TSPAN11: variants seen among roughly 807,000 people sequenced by gnomAD.
TSPAN11 encodes the protein tetraspanin-11.
In TSPAN11, 29 loss-of-function variants were observed where a neutral mutation model predicts 32.9. The ratio of observed to expected loss-of-function variants is 0.88; its 90% CI spans 0.66 to 1.20. The LOEUF (loss-of-function observed/expected upper bound fraction) is 1.20. Ranked by LOEUF, TSPAN11 falls within the 50% of genes most tolerant of loss-of-function variation. The pLI is 0.00. For missense variants in TSPAN11, 283 were observed against 329.1 expected (o/e 0.86, Z 1.08); for synonymous variants, 140 against 141.3 (o/e 0.99, Z 0.07).
At chr12:31,002,989 C>G in the TSPAN11 span, among the ~76,000 whole-genome samples, 1 of 152,320 alleles carries the variant, frequency 6.6e-6, no homozygotes, top group East Asian at 1.9e-4. This position sits in a 1 kb window ranked among gnomAD's most constrained non-coding sequence, Gnocchi z 4.8. Flanking sequence ...GTTCTCACCC[C>G]CTGCCTGCTC....
chr12:30,985,985 C>T (rs1411753873), intron 7 of TSPAN11, among the ~76,000 whole-genome samples: 1 of 152,358 alleles, frequency 6.6e-6, no homozygotes, highest in South Asian at 2.1e-4. Context: ...AGCCCAGGAG[C>T]GGCCAAGCCT....
chr12:30,970,716 T>A (rs1248487279), intron 3 of TSPAN11, among the ~76,000 whole-genome samples: 2 of 152,122 alleles, frequency 1.3e-5, no homozygotes, highest in Non-Finnish European at 2.9e-5. Flanking sequence ...TTGGCGTGGT[T>A]GCAGCTGGAC....
At chr12:31,005,641 G>A in the TSPAN11 span, 1 of 152,610 alleles carries the variant, frequency 6.6e-6, no homozygotes, top group Non-Finnish European at 1.5e-5. Flanking sequence ...GCTGAGGCAG[G>A]GGTGGGTGGG....
In TSPAN11 at chr12:30,984,873, C is replaced by T. The variant is rs139597343; in HGVS notation, c.702+1723C>T. ...GCACCCAGCTGTTCTCCACATTTTA[C>T]AGATCAGAAAGTTGAGACCCAGAGA... On this transcript the variant is annotated intron_variant, in intron 7 of 7. Coordinates refer to ENST00000546076, the MANE Select transcript of TSPAN11 (RefSeq NM_001370302.1). 2.7e-3 allele frequency among the ~76,000 whole-genome samples: 409 copies of T among 152,280 alleles called. 1 individual carries two copies. Among genetic ancestry groups the T allele is most frequent in the African/African-American group, 9.5e-3 (396 of 41,560 alleles).
chr12:30,942,356 TCA>T (rs1250512094), intron 1 of TSPAN11, among the ~76,000 whole-genome samples: 1 of 152,072 alleles, frequency 6.6e-6, no homozygotes, highest in Non-Finnish European at 1.5e-5. Flanking sequence ...GCTCTGGAGG[TCA>T]CAGGATTTGT....
intron 7 of TSPAN11, 48 bp downstream of exon 7, chr12:30,983,198 C>T: frequency 6.4e-7 from 1 of 1,554,328 alleles, no homozygotes; most frequent in East Asian, 2.3e-5. Context: ...CTCTGAACCC[C>T]TCTCCCATTG....
intron 5 of TSPAN11, among the ~76,000 whole-genome samples, chr12:30,982,043 A>G (rs944848852): frequency 3.3e-5 from 5 of 152,178 alleles, no homozygotes; most frequent in Admixed American, 6.5e-5. Flanking sequence ...CTGGTCTCCC[A>G]GTGCCATGGG....
At chr12:30,957,286 G>T (rs1938502561) in intron 2 of TSPAN11, among the ~76,000 whole-genome samples, 1 of 150,370 alleles carries the variant, frequency 6.7e-6, no homozygotes, top group Non-Finnish European at 1.5e-5. Context: ...GATCTGCTGG[G>T]AGACAGGGTC....
chr12:30,966,988 G>C (rs1216756073), intron 3 of TSPAN11, among the ~76,000 whole-genome samples: 3 of 152,186 alleles, frequency 2.0e-5, no homozygotes, highest in Non-Finnish European at 4.4e-5. Flanking sequence ...ACACTGGGTG[G>C]GTGAGTGTGT....
In TSPAN11 at chr12:30,964,159, G is replaced by A; in HGVS notation, c.276+142G>A. The A allele has an allele frequency of 4.5e-6, 5 of 1,100,550 alleles. No homozygotes were observed. In the South Asian group the frequency reaches 5.1e-5, roughly 11 times the overall value. The allele number at this position is 1,100,550 out of a possible 1,614,324, so 68.2% of individuals were successfully genotyped here. ...CCCGAGAAGGGGTGGCTGCTCCTGGGTCTGGGGTTTGCCACGGTCTCCAGG... is the reference window on the plus strand; with the variant it reads ...CCCGAGAAGGGGTGGCTGCTCCTGGATCTGGGGTTTGCCACGGTCTCCAGG... On this transcript the variant is annotated intron_variant, in intron 3 of 7. Coordinates refer to ENST00000546076, the MANE Select transcript of TSPAN11 (RefSeq NM_001370302.1).
intron 1 of TSPAN11, among the ~76,000 whole-genome samples, chr12:30,937,545 T>G (rs898358916): frequency 1.3e-5 from 2 of 152,178 alleles, no homozygotes; most frequent in Non-Finnish European, 2.9e-5. Flanking sequence ...CCAACAGGAC[T>G]GTGGCTTAAA....
intron 3 of TSPAN11, among the ~76,000 whole-genome samples, chr12:30,965,292 C>T (rs572476741): frequency 1.3e-5 from 2 of 152,224 alleles, no homozygotes; most frequent in Non-Finnish European, 2.9e-5. Context: ...TCAGCCTAGC[C>T]TCAGGCTTCA....
intron 1 of TSPAN11, among the ~76,000 whole-genome samples, chr12:30,933,520 G>A (rs1592458431): frequency 1.3e-5 from 2 of 152,168 alleles, no homozygotes; most frequent in Non-Finnish European, 2.9e-5. Context: ...GATGGGGAAG[G>A]GGAGGAAAGC....
chr12:30,958,916 G>A (rs529798208), intron 2 of TSPAN11, among the ~76,000 whole-genome samples: 4 of 152,220 alleles, frequency 2.6e-5, no homozygotes, highest in Non-Finnish European at 5.9e-5. Context: ...TTAAGATACC[G>A]AGGGCGCAAC....
chr12:30,959,931 C>T (rs1208101556), intron 2 of TSPAN11, among the ~76,000 whole-genome samples: 2 of 151,450 alleles, frequency 1.3e-5, no homozygotes, highest in East Asian at 3.9e-4. Context: ...CTGGTGGGGA[C>T]TTCTCAGCCG....
chr12:30,963,251 C>T (rs950763932), intron 2 of TSPAN11, among the ~76,000 whole-genome samples: 2 of 152,202 alleles, frequency 1.3e-5, no homozygotes, highest in Non-Finnish European at 2.9e-5. Flanking sequence ...GCCCCTAACC[C>T]TGCCCCCAAC....
chr12:30,944,304 T>A (rs939295746), intron 1 of TSPAN11, among the ~76,000 whole-genome samples: 6 of 152,158 alleles, frequency 3.9e-5, no homozygotes, highest in African/African-American at 1.4e-4. Flanking sequence ...ACTATAGTTA[T>A]CATGTTGTAC....
intron 4 of TSPAN11, 141 bp downstream of exon 4, chr12:30,978,776 A>G (rs184366426): frequency 2.6e-6 from 2 of 760,780 alleles, no homozygotes; most frequent in Non-Finnish European, 4.5e-6. Flanking sequence ...ATCCCCCTAC[A>G]TATCTGCATC....
chr12:30,948,717 AC>A (rs1215416879), intron 1 of TSPAN11, among the ~76,000 whole-genome samples: 2 of 151,998 alleles, frequency 1.3e-5, no homozygotes, highest in East Asian at 3.9e-4. Flanking sequence ...TGCCATGAAG[AC>A]CTCTGACATG....
Sources: allele counts gnomAD v4.1 joint callset (sites outside exome capture counted in the v4.1 genomes callset), GRCh38; gene constraint gnomAD v4.1.1; non-coding constraint Gnocchi (gnomAD v3.1); transcripts MANE v1.5; gene names NCBI Gene and HGNC (gene_info 2026-07-23, HGNC 2026-07-21).